Variants in ZNF185 observed in about 807,000 individuals in gnomAD.
ZNF185 encodes the protein zinc finger protein 185.
A neutral mutation model predicts 58.6 loss-of-function variants in ZNF185; 56 were observed. The observed-to-expected ratio is 0.95, with a 90% CI of 0.77 to 1.19. The LOEUF is 1.19. Ranked by LOEUF, ZNF185 falls within the 50% of genes most tolerant of loss-of-function variation. The pLI, the probability that ZNF185 is intolerant of heterozygous loss-of-function variation, is 0.00. For missense variants in ZNF185, 627 were observed against 573.5 expected (o/e 1.09, Z -0.95); for synonymous variants, 230 against 215.9 (o/e 1.07, Z -0.57).
At chrX:152,957,073 AT>A (rs34728203) in intron 16 of ZNF185, among the ~76,000 whole-genome samples, 24,699 of 97,146 alleles carry the variant, frequency 0.25, 2,517 homozygotes, top group South Asian at 0.32. Context: ...TACAAGGTTA[AT>A]TTTTTTTTTT....
At chrX:152,958,260 A>G (rs782786353) in intron 16 of ZNF185, among the ~76,000 whole-genome samples, 1 of 111,577 alleles carries the variant, frequency 9.0e-6, no homozygotes, top group Non-Finnish European at 1.9e-5. Flanking sequence ...GTGAGCGTAG[A>G]CAGCTCTTTC....
upstream of ZNF185, among the ~76,000 whole-genome samples, chrX:152,914,020 G>GC (rs1937804271): frequency 2.7e-5 from 3 of 111,001 alleles, no homozygotes; most frequent in Non-Finnish European, 3.8e-5. Context: ...CCTCTCCACA[G>GC]GCCATCTGCC....
chrX:152,908,527 CG>C, the ZNF185 span, among the ~76,000 whole-genome samples: 1 of 111,979 alleles, frequency 8.9e-6, no homozygotes, highest in African/African-American at 3.2e-5. Flanking sequence ...TGGCCTGCTC[CG>C]TGGGGTCCTG....
chrX:152,914,693 G>T lies in ZNF185; in HGVS notation c.35-17G>T. The T allele has an allele frequency of 8.4e-7, 1 of 1,197,136 alleles. No homozygotes were observed. The stretch of plus-strand genomic sequence containing the variant: ...GCTGCATTCCTCTTCTGAGGCGGTT[G>T]GCTTTTCCCACCACAGGGAAGCCTC... On this transcript the variant is annotated splice_polypyrimidine_tract_variant and intron_variant, in intron 1 of 22. Coordinates refer to ENST00000449285, the Ensembl canonical transcript of ZNF185.
chrX:152,938,076 C>G (rs910886870), exon 15 of ZNF185: 2 of 1,176,402 alleles, frequency 1.7e-6, no homozygotes, highest in Non-Finnish European at 2.3e-6. Flanking sequence ...TTCCTCAGCT[C>G]CAGTGCCACT....
the ZNF185 span, among the ~76,000 whole-genome samples, chrX:152,900,253 T>C: frequency 8.9e-6 from 1 of 112,590 alleles, no homozygotes; most frequent in Non-Finnish European, 1.9e-5. Flanking sequence ...ACTTGTTCCC[T>C]GAACTGTCTT....
At chrX:152,962,901 G>T (rs1556911461) in intron 17 of ZNF185, among the ~76,000 whole-genome samples, 1 of 112,981 alleles carries the variant, frequency 8.9e-6, no homozygotes, top group Admixed American at 9.3e-5. Context: ...TCAACTAGTT[G>T]TAATCTTAGG....
chrX:152,926,723 G>A (rs1031851671), intron 11 of ZNF185, among the ~76,000 whole-genome samples: 1 of 112,120 alleles, frequency 8.9e-6, no homozygotes, highest in African/African-American at 3.2e-5. Flanking sequence ...GGGGTAGCGG[G>A]TTGTGGGGGA....
chrX:152,912,618 T>A (rs191429195), upstream of ZNF185, among the ~76,000 whole-genome samples: 271 of 110,908 alleles, frequency 2.4e-3, no homozygotes, highest in Non-Finnish European at 3.9e-3. Context: ...TAGAAAGGAG[T>A]ACGTCTTTGA....
chrX:152,947,078 G>A (rs782498681), intron 16 of ZNF185, among the ~76,000 whole-genome samples: 2 of 112,101 alleles, frequency 1.8e-5, no homozygotes, highest in Non-Finnish European at 3.8e-5. Flanking sequence ...AAGTATTTTT[G>A]AATTATTAAA....
chrX:152,962,173 G>A (rs1039080626), intron 17 of ZNF185, among the ~76,000 whole-genome samples: 10 of 111,365 alleles, frequency 9.0e-5, no homozygotes, highest in Non-Finnish European at 1.7e-4. Flanking sequence ...GAGGGTACGG[G>A]GTGAGGTGAG....
In ZNF185 at chrX:152,919,113, G is replaced by C; in HGVS notation, c.530+32G>C. 3 of 1,121,701 alleles carry C rather than the reference G, an allele frequency of 2.7e-6. No homozygotes were observed. The East Asian group carries it at 9.0e-5, about 34-fold the overall frequency. 92.4% of individuals were successfully genotyped at this position (1,121,701 alleles called of 1,213,427 possible). A position where few individuals can be genotyped will look rare whatever the true frequency, so the allele number is the denominator to read the frequency against. ...GAATGGTGCCTTTTGGGCATCCCGG[G>C]GGGCAGGGCAGGAGCCTGAGTCTTC... On this transcript the variant is annotated intron_variant, in intron 7 of 22. Transcript: ENST00000449285.
chrX:152,898,137 C>T, the ZNF185 span, among the ~76,000 whole-genome samples: 3 of 109,278 alleles, frequency 2.7e-5, no homozygotes, highest in African/African-American at 9.8e-5. Flanking sequence ...GCCTGCCTCC[C>T]CGGCCCGGCC....
chrX:152,947,031 CTG>C (rs1263085836), intron 16 of ZNF185, among the ~76,000 whole-genome samples: 2 of 111,910 alleles, frequency 1.8e-5, no homozygotes, highest in Non-Finnish European at 3.8e-5. Context: ...ATATTGGAGA[CTG>C]TTTGCTTACA....
chrX:152,902,404 T>C, the ZNF185 span, among the ~76,000 whole-genome samples: 7 of 113,137 alleles, frequency 6.2e-5, no homozygotes, highest in East Asian at 1.9e-3. Context: ...AGAGTTGCTA[T>C]GGAGAGAGCA....
chrX:152,939,728 G>A (rs2046932488), intron 15 of ZNF185, among the ~76,000 whole-genome samples: 1 of 108,607 alleles, frequency 9.2e-6, no homozygotes, highest in Non-Finnish European at 1.9e-5. Flanking sequence ...CTAGAGCCAG[G>A]CTCACGCTAC....
chrX:152,965,596 T>G, intron 19 of ZNF185, 69 bp downstream of exon 21: 1 of 956,740 alleles, frequency 1.0e-6, no homozygotes. Flanking sequence ...CATCCCTGCA[T>G]TTCCAGTTCC....
intron 3 of ZNF185, among the ~76,000 whole-genome samples, chrX:152,915,522 C>T (rs1225722114): frequency 1.8e-5 from 2 of 112,333 alleles, no homozygotes; most frequent in Admixed American, 9.4e-5. Context: ...AAGAAGAAGA[C>T]GACCTCCCAC....
chrX:152,938,046 C>T (rs1358161507), intron 14 of ZNF185, 28 bp from the exon 17 acceptor site: 29 of 1,161,997 alleles, frequency 2.5e-5, no homozygotes, highest in Non-Finnish European at 3.3e-5. Context: ...GGTCTGAGAT[C>T]TCAGCAGGCC....
Sources: allele counts gnomAD v4.1 joint callset (sites outside exome capture counted in the v4.1 genomes callset), GRCh38; gene constraint gnomAD v4.1.1; transcripts MANE v1.5; gene names NCBI Gene and HGNC (gene_info 2026-07-23, HGNC 2026-07-21).